Variants in CECR2 observed in about 807,000 individuals in gnomAD.
CECR2 encodes the protein CECR2 histone acetyl-lysine reader, also known as chromatin remodeling regulator CECR2.
A neutral mutation model predicts 154.5 loss-of-function variants in CECR2; 30 were observed. The ratio of observed to expected loss-of-function variants is 0.19; its 90% CI spans 0.15 to 0.26. The LOEUF is 0.26. Ranked by LOEUF, CECR2 falls within the 10% of genes least tolerant of loss-of-function variation. The probability of loss-of-function intolerance (pLI) is 1.00; values close to 1 mark genes in which losing one functional copy is unlikely to be tolerated. For synonymous variants in CECR2, 725 were observed against 683.7 expected (o/e 1.06, Z -0.94); for missense variants, 1,743 against 1,829.3 (o/e 0.95, Z 0.86).
At chr22:17,388,468 A>G (rs542390139) in intron 1 of CECR2, among the ~76,000 whole-genome samples, 2 of 152,186 alleles carry the variant, frequency 1.3e-5, no homozygotes, top group Non-Finnish European at 2.9e-5. Flanking sequence ...GGCAGAACCC[A>G]TACCGGCAGA....
At chr22:17,529,895 C>CA (rs1034220631) in intron 9 of CECR2, among the ~76,000 whole-genome samples, 2 of 151,830 alleles carry the variant, frequency 1.3e-5, no homozygotes, top group African/African-American at 4.8e-5. Context: ...CTTCCAACTA[C>CA]AAAAAAAGAG....
chr22:17,370,045 G>A (rs2063036293), intron 1 of CECR2, 136 bp downstream of exon 1: 2 of 151,450 alleles, frequency 1.3e-5, no homozygotes, highest in African/African-American at 2.4e-5. Context: ...CAGGAGGAGG[G>A]CGCAAAAGGG....
intron 8 of CECR2, among the ~76,000 whole-genome samples, chr22:17,512,893 T>C (rs879388474): frequency 6.6e-6 from 1 of 152,008 alleles, no homozygotes; most frequent in Non-Finnish European, 1.5e-5. Flanking sequence ...GGAGGGTAGA[T>C]AATCACATTT....
chr22:17,414,196 T>A (rs1048409602), intron 1 of CECR2, among the ~76,000 whole-genome samples: 3 of 151,858 alleles, frequency 2.0e-5, no homozygotes, highest in Non-Finnish European at 4.4e-5. Flanking sequence ...ATGGTCTCGA[T>A]CGCCTGACCT....
intron 2 of CECR2, among the ~76,000 whole-genome samples, chr22:17,491,979 GAGA>G (rs1188484318): frequency 6.6e-6 from 1 of 152,194 alleles, no homozygotes; most frequent in African/African-American, 2.4e-5. Flanking sequence ...TACAGCCCTA[GAGA>G]AGAAGAACTG....
intron 9 of CECR2, among the ~76,000 whole-genome samples, chr22:17,532,752 C>T (rs1261006481): frequency 3.0e-4 from 27 of 90,528 alleles, no homozygotes; most frequent in African/African-American, 1.2e-3. Flanking sequence ...GAGTCTCACT[C>T]TATTACTCAG....
chr22:17,373,817 A>G (rs559288188), intron 1 of CECR2, among the ~76,000 whole-genome samples: 6 of 152,324 alleles, frequency 3.9e-5, no homozygotes, highest in African/African-American at 1.4e-4. Context: ...GCCTCAGAAG[A>G]TTATCTGTTA....
upstream of CECR2, among the ~76,000 whole-genome samples, chr22:17,366,216 GTC>G (rs1179838235): frequency 1.3e-5 from 2 of 152,054 alleles, no homozygotes; most frequent in African/African-American, 4.8e-5. Context: ...TTGAGATTGA[GTC>G]TCACTCTGTC....
At chr22:17,551,665 G>GC (rs2146157607) in intron 17 of CECR2, among the ~76,000 whole-genome samples, 1 of 152,188 alleles carries the variant, frequency 6.6e-6, no homozygotes, top group East Asian at 1.9e-4. Context: ...AAAGAACTTA[G>GC]CCAGGCATGG....
chr22:17,472,046 A>C (rs895211787), intron 1 of CECR2, among the ~76,000 whole-genome samples: 1 of 152,116 alleles, frequency 6.6e-6, no homozygotes, highest in Non-Finnish European at 1.5e-5. Context: ...TTTCTGTGTT[A>C]CTCAGCATCG....
chr22:17,526,189 G>T (rs2056261922), intron 9 of CECR2, among the ~76,000 whole-genome samples: 1 of 152,042 alleles, frequency 6.6e-6, no homozygotes. Context: ...AAAAGACCCA[G>T]AATAGGCAAA....
At chr22:17,443,622 C>T (rs1419190023) in intron 1 of CECR2, among the ~76,000 whole-genome samples, 3 of 152,176 alleles carry the variant, frequency 2.0e-5, no homozygotes, top group East Asian at 3.9e-4. Context: ...AAGTAGGCAG[C>T]GAGGACGGGC....
intron 2 of CECR2, among the ~76,000 whole-genome samples, chr22:17,489,758 T>G (rs1239675876): frequency 2.6e-5 from 4 of 152,186 alleles, no homozygotes; most frequent in Admixed American, 2.0e-4. Context: ...ATTCCAGGCC[T>G]TATCAACTTT....
intron 1 of CECR2, among the ~76,000 whole-genome samples, chr22:17,405,707 T>C (rs765064948): frequency 1.3e-5 from 2 of 151,622 alleles, no homozygotes; most frequent in African/African-American, 4.8e-5. Context: ...CGTTGAGTTA[T>C]ATTACTCTTG....
At chr22:17,467,369 A>G (rs573994577) in intron 1 of CECR2, among the ~76,000 whole-genome samples, 1 of 152,234 alleles carries the variant, frequency 6.6e-6, no homozygotes, top group African/African-American at 2.4e-5. Flanking sequence ...GATGCCATGA[A>G]ACCCTTAGGA....
chr22:17,387,659 C>T (rs556807134), intron 1 of CECR2, among the ~76,000 whole-genome samples: 2 of 152,262 alleles, frequency 1.3e-5, no homozygotes, highest in South Asian at 4.2e-4. Context: ...AACACAAGAT[C>T]GTACTTTTCT....
rs1569153313 is a variant in CECR2, at chr22:17,542,162, A to G, written c.2019A>G (p.Pro673=). The change falls in exon 16 of 19, where the codon CCA becomes CCG. Residue 673 remains proline (P), a synonymous_variant. Coordinates refer to ENST00000262608, the MANE Select transcript of CECR2 (RefSeq NM_001290047.2). ...CTGCCTTTTCTCGTTGCCAGCCTCC[A>G]GTTGGAATTAACAGCCTCCGAGGAC... is the stretch of plus-strand genomic sequence containing the variant. ...QQRQPFTMQP[P]VGINSLRGPR... is the part of the protein sequence containing the mutation. 1.2e-6 allele frequency: 2 copies of G among 1,608,594 alleles called. No individual in the cohort carries two copies. The highest frequency in any genetic ancestry group is 1.7e-6 in the Non-Finnish European group (2 of 1,175,866).
rs188155220 is a variant in CECR2 at position 17,394,051 on chromosome 22, C to G, written c.126+24142C>G. Among the ~76,000 whole-genome samples the G allele has an allele frequency of 2.5e-3, 377 of 151,936 alleles. 2 individuals are homozygous for G. The highest frequency in any genetic ancestry group is 8.7e-3 in the African/African-American group (362 of 41,444). Reference sequence around the variant, plus strand: ...TACAGGCATGCAGCACCAGGCCTGGCTAATTTTGTATTTTTAGCAGAGACA... The same window carrying G: ...TACAGGCATGCAGCACCAGGCCTGGGTAATTTTGTATTTTTAGCAGAGACA... On this transcript the variant is annotated intron_variant, in intron 1 of 18. Transcript: ENST00000262608.
Position 17,435,708 on chromosome 22 carries a change from A to ACC in CECR2, c.127-41880_127-41879insCC, listed in dbSNP as rs1322669780. 1.8e-3 allele frequency among the ~76,000 whole-genome samples: 261 copies of ACC among 144,844 alleles called. 3 individuals carry two copies. Among genetic ancestry groups the ACC allele is most frequent in the Middle Eastern group, 6.9e-3 (2 of 288 alleles). On this transcript the variant is annotated intron_variant, in intron 1 of 18. Coordinates refer to ENST00000262608, the MANE Select transcript of CECR2 (RefSeq NM_001290047.2). ...TTAAAAAAAAAAAAAAAAAAAAAAA[A>ACC]AACAGGAGCAGGACCATCCAACTTA...
Sources: gnomAD v4.1 joint callset for allele counts (sites outside exome capture counted in the v4.1 genomes callset) on GRCh38, gnomAD v4.1.1 for gene constraint, MANE v1.5 for transcripts, NCBI Gene and HGNC (gene_info 2026-07-23, HGNC 2026-07-21) for gene names.